The following CPS1 variants were observed in gnomAD, a reference collection of about 807,000 sequenced individuals.
CPS1 encodes carbamoyl-phosphate synthase [ammonia], mitochondrial.
CPS1 carries 109 observed loss-of-function variants against 174.6 expected under a neutral mutation model. The ratio of observed to expected loss-of-function variants is 0.62; its 90% confidence interval spans 0.53 to 0.73. The LOEUF (loss-of-function observed/expected upper bound fraction) is 0.73. Ranked by LOEUF, CPS1 falls within the 30% of genes least tolerant of loss-of-function variation. The pLI is 0.00. For synonymous variants in CPS1, 637 were observed against 632.0 expected (o/e 1.01, Z -0.12); for missense variants, 1,689 against 1,821.9 (o/e 0.93, Z 1.33).
At chr2:210,567,650 G>A (rs371590470) in intron 1 of CPS1, among the ~76,000 whole-genome samples, 5 of 152,052 alleles carry the variant, frequency 3.3e-5, no homozygotes, top group African/African-American at 1.2e-4. Context: ...CAATTCATGA[G>A]GAAACCTAAA....
chr2:210,525,772 G>A (rs1695955600), intron 1 of CPS1, among the ~76,000 whole-genome samples: 1 of 150,806 alleles, frequency 6.6e-6, no homozygotes, highest in Non-Finnish European at 1.5e-5. Flanking sequence ...TATACAGGTG[G>A]AGTAGGAGTA....
chr2:210,559,982 T>A (rs1697045254), intron 1 of CPS1, among the ~76,000 whole-genome samples: 1 of 152,116 alleles, frequency 6.6e-6, no homozygotes, highest in South Asian at 2.1e-4. Flanking sequence ...GAGGGTTAGA[T>A]CAAAGAGTCC....
At position 210,616,499 on chromosome 2, in the gene CPS1, G is replaced by T. The variant is rs188120172; in HGVS notation, c.2645G>T (p.Arg882Leu). The T allele has an allele frequency of 1.2e-6, 2 of 1,611,728 alleles. No homozygotes were observed. Among genetic ancestry groups the T allele is most frequent in the Admixed American group, 1.7e-5 (1 of 59,866 alleles). ...GACAAGTGGTTTTTGTATAAGATGC[G>T]TGATATTTTAAACATGGAAAAGACA... is the stretch of plus-strand genomic sequence containing the variant. ...YIDKWFLYKM[R>L]DILNMEKTLK... Residue 882 changes from arginine (R) to leucine (L), a missense_variant, in exon 21 of 38, where the codon CGT becomes CTT. Physicochemically the swap from Arg to Leu is moderately radical, Grantham distance 102. Transcript: ENST00000233072.
chr2:210,622,401 G>C (rs1048408396), intron 21 of CPS1, among the ~76,000 whole-genome samples: 4 of 151,658 alleles, frequency 2.6e-5, no homozygotes, highest in African/African-American at 7.3e-5. Flanking sequence ...TACACACACA[G>C]AAACAGGTTT....
At chr2:210,502,036 G>A (rs1484271398) in intron 1 of CPS1, among the ~76,000 whole-genome samples, 1 of 152,108 alleles carries the variant, frequency 6.6e-6, no homozygotes, top group African/African-American at 2.4e-5. Context: ...CAGGGTGGCA[G>A]GAGAGAAAAT....
intron 1 of CPS1, among the ~76,000 whole-genome samples, chr2:210,541,458 G>A (rs1696424014): frequency 1.3e-5 from 2 of 152,132 alleles, no homozygotes; most frequent in Admixed American, 1.3e-4. Flanking sequence ...AGTACACTCT[G>A]TACAGCAGCT....
rs529460044 is a variant in CPS1 at position 210,541,482 on chromosome 2, G to A, written c.4-15237G>A. 2.6e-5 allele frequency among the ~76,000 whole-genome samples: 4 copies of A among 152,178 alleles called. No homozygotes were observed. In the South Asian group the frequency reaches 8.3e-4, roughly 32 times the overall value. ...TGTACAGCAGCTGCAACTCGTTATCGGCTTTGTCCAGAATAACAAACAGAA... is the reference window on the plus strand; with the variant it reads ...TGTACAGCAGCTGCAACTCGTTATCAGCTTTGTCCAGAATAACAAACAGAA... On this transcript the variant is annotated intron_variant, in intron 1 of 38. Transcript: ENST00000430249.
intron 1 of CPS1, among the ~76,000 whole-genome samples, chr2:210,497,918 A>ATATATC (rs970136471): frequency 4.2e-5 from 6 of 142,200 alleles, no homozygotes; most frequent in Non-Finnish European, 6.1e-5. Flanking sequence ...ATATATATAT[A>ATATATC]TCTCCAGTAA....
chr2:210,671,030 C>G (rs1701283559), intron 34 of CPS1, among the ~76,000 whole-genome samples: 1 of 152,126 alleles, frequency 6.6e-6, no homozygotes, highest in Non-Finnish European at 1.5e-5. Context: ...TTTGATTTTC[C>G]TGTAATATTT....
At chr2:210,593,562 A>T (rs898381354) in intron 11 of CPS1, 35 of 985,556 alleles carry the variant, frequency 3.6e-5, no homozygotes, top group Non-Finnish European at 4.1e-5. Context: ...ATCTTTCCAA[A>T]TAAATTCTTC....
intron 24 of CPS1, among the ~76,000 whole-genome samples, chr2:210,641,034 C>T (rs981942589): frequency 6.6e-6 from 1 of 152,166 alleles, no homozygotes; most frequent in Non-Finnish European, 1.5e-5. Context: ...GCGCCTTAAA[C>T]CTTGTGCCTC....
intron 6 of CPS1, among the ~76,000 whole-genome samples, chr2:210,583,761 A>C (rs975901917): frequency 3.2e-4 from 48 of 152,136 alleles, no homozygotes; most frequent in Admixed American, 2.2e-3. Flanking sequence ...GTTTCATATC[A>C]TTGGCTAATC....
At chr2:210,598,081 G>A (rs1166125677) in intron 13 of CPS1, among the ~76,000 whole-genome samples, 1 of 150,220 alleles carries the variant, frequency 6.7e-6, no homozygotes, top group African/African-American at 2.5e-5. Flanking sequence ...AATACAAGGG[G>A]GAGCAGCTTT....
Position 210,674,958 on chromosome 2 carries a change from C to G in CPS1, c.4158C>G (p.Phe1386Leu). The G allele has an allele frequency of 6.2e-7, 1 of 1,610,754 alleles. No homozygotes were observed. The highest frequency in any genetic ancestry group is 8.5e-7 in the Non-Finnish European group (1 of 1,177,014). ...GVAEQLHNEG[F>L]KLFATEATSD... ...CTGAACAATTACACAATGAAGGTTTCAAGGTATGTTCATTAGTTTTAAGTT... is the reference window on the plus strand; with the variant it reads ...CTGAACAATTACACAATGAAGGTTTGAAGGTATGTTCATTAGTTTTAAGTT... The change falls in exon 35 of 38, where the codon TTC becomes TTG. Residue 1386 changes from phenylalanine (F) to leucine (L), a missense_variant. Phe to Leu is a conservative substitution (Grantham distance 22). Coordinates refer to ENST00000233072, the MANE Select transcript of CPS1 (RefSeq NM_001875.5).
At chr2:210,650,663 A>T (rs2105911280) in intron 28 of CPS1, among the ~76,000 whole-genome samples, 1 of 152,292 alleles carries the variant, frequency 6.6e-6, no homozygotes, top group Middle Eastern at 3.4e-3. Flanking sequence ...TAGACTTTTA[A>T]GGTTGGTGGA....
chr2:210,654,376 C>G (rs2105915382), intron 29 of CPS1, among the ~76,000 whole-genome samples: 1 of 152,180 alleles, frequency 6.6e-6, no homozygotes, highest in African/African-American at 2.4e-5. Flanking sequence ...TAGATTTTCT[C>G]TCTCATTTTC....
chr2:210,650,640 A>T (rs1015553124), intron 28 of CPS1, among the ~76,000 whole-genome samples: 1 of 152,198 alleles, frequency 6.6e-6, no homozygotes, highest in African/African-American at 2.4e-5. Context: ...CCTTGAAGGC[A>T]TTAAATTATA....
At chr2:210,617,290 A>G (rs895734408) in intron 21 of CPS1, among the ~76,000 whole-genome samples, 1 of 152,052 alleles carries the variant, frequency 6.6e-6, no homozygotes, top group African/African-American at 2.4e-5. Flanking sequence ...AAGAAAGACA[A>G]TATAGTCCTC....
intron 29 of CPS1, among the ~76,000 whole-genome samples, chr2:210,655,573 T>A (rs1485072428): frequency 1.3e-5 from 2 of 152,180 alleles, no homozygotes; most frequent in African/African-American, 4.8e-5. Context: ...AAATGAGCTC[T>A]TATTATTTTA....
Sources: allele counts gnomAD v4.1 joint callset (sites outside exome capture counted in the v4.1 genomes callset), GRCh38; gene constraint gnomAD v4.1.1; transcripts MANE v1.5; gene names NCBI Gene and HGNC (gene_info 2026-07-23, HGNC 2026-07-21).